The following UBASH3B variants were observed in gnomAD, a reference collection of about 807,000 sequenced individuals.
UBASH3B encodes the protein ubiquitin associated and SH3 domain containing B.
UBASH3B carries 37 observed loss-of-function variants against 83.4 expected under a neutral mutation model. The observed-to-expected ratio is 0.44, with a 90% confidence interval of 0.34 to 0.58. The LOEUF (loss-of-function observed/expected upper bound fraction) is 0.58, where lower values mean the gene tolerates loss of function less well. Among genes scored for constraint, UBASH3B ranks in the 20% least tolerant of loss-of-function variants. The pLI is 0.01. For missense variants in UBASH3B, 657 were observed against 827.2 expected, an observed-to-expected ratio of 0.79 and a Z score of 2.52; for synonymous variants, 304 against 318.3, an observed-to-expected ratio of 0.96 and a Z score of 0.48.
chr11:122,677,530 T>G (rs552310018), intron 1 of UBASH3B, among the ~76,000 whole-genome samples: 1 of 152,300 alleles, frequency 6.6e-6, no homozygotes, highest in Non-Finnish European at 1.5e-5. Context: ...CAAAGTCAGC[T>G]TATGTCAGTT....
intron 1 of UBASH3B, among the ~76,000 whole-genome samples, chr11:122,671,478 C>T (rs879209966): frequency 6.6e-6 from 1 of 152,234 alleles, no homozygotes; most frequent in Admixed American, 6.5e-5. Flanking sequence ...AGCTTTTCTA[C>T]ATCAGGTTGG....
chr11:122,687,773 T>C (rs1863827110), intron 1 of UBASH3B, among the ~76,000 whole-genome samples: 1 of 152,118 alleles, frequency 6.6e-6, no homozygotes, highest in African/African-American at 2.4e-5. Context: ...AGTCTTGCTA[T>C]TTCTCCATGA....
chr11:122,762,791 T>C (rs1861392327), intron 1 of UBASH3B, among the ~76,000 whole-genome samples: 1 of 152,236 alleles, frequency 6.6e-6, no homozygotes, highest in Admixed American at 6.5e-5. Context: ...GTAGATTATT[T>C]TAGCAGAGAA....
intron 1 of UBASH3B, among the ~76,000 whole-genome samples, chr11:122,765,792 G>T (rs1303907007): frequency 3.3e-5 from 5 of 152,112 alleles, no homozygotes; most frequent in African/African-American, 7.2e-5. Flanking sequence ...TTAAGTCCTG[G>T]ACCTGGTGCC....
chr11:122,729,653 C>T (rs2135951426), intron 1 of UBASH3B, among the ~76,000 whole-genome samples: 1 of 151,796 alleles, frequency 6.6e-6, no homozygotes, highest in South Asian at 2.1e-4. Context: ...GATATAATAC[C>T]TGGGATTTGC....
chr11:122,748,650 C>T (rs1861156625), intron 1 of UBASH3B, among the ~76,000 whole-genome samples: 5 of 152,206 alleles, frequency 3.3e-5, no homozygotes, highest in Middle Eastern at 6.8e-3. Context: ...TCCTCCCGTC[C>T]ACAGAAGATT....
chr11:122,774,640 C>T (rs768623530), intron 1 of UBASH3B, among the ~76,000 whole-genome samples: 8 of 152,152 alleles, frequency 5.3e-5, no homozygotes, highest in South Asian at 2.1e-4. Flanking sequence ...GGAAAGGATG[C>T]TTGCAGAGTG....
chr11:122,683,778 A>T lies in UBASH3B; in HGVS notation c.161+27568A>T, dbSNP rs4936717. Among the ~76,000 whole-genome samples the T allele has an allele frequency of 0.011, 236 of 21,806 alleles. 1 individual carries two copies. The East Asian group carries it at 0.28, about 26-fold the overall frequency. 14.3% of individuals were successfully genotyped at this position (21,806 alleles called of 152,430 possible). On this transcript the variant is annotated intron_variant, in intron 1 of 13. Transcript: ENST00000284273. The stretch of plus-strand genomic sequence containing the variant: ...GTGTGTGTGTGTGTGTGTGTGTGTG[A>T]GCCAGGTTTCAAATAAGATCTATAC...
At chr11:122,775,351 T>C (rs1860714473) in intron 1 of UBASH3B, among the ~76,000 whole-genome samples, 1 of 152,238 alleles carries the variant, frequency 6.6e-6, no homozygotes, top group Admixed American at 6.5e-5. Context: ...TAGCTACAGT[T>C]AGTCATGCTT....
At chr11:122,662,281 T>G (rs1265995001) in intron 1 of UBASH3B, among the ~76,000 whole-genome samples, 1 of 152,160 alleles carries the variant, frequency 6.6e-6, no homozygotes, top group Non-Finnish European at 1.5e-5. Context: ...ATTTAAAGAT[T>G]GATACATTTT....
At chr11:122,701,603 C>T (rs983931225) in intron 1 of UBASH3B, among the ~76,000 whole-genome samples, 1 of 152,122 alleles carries the variant, frequency 6.6e-6, no homozygotes, top group African/African-American at 2.4e-5. Flanking sequence ...AGGGTCCTCG[C>T]TTGCATTGGC....
At chr11:122,723,250 T>G (rs1286604914) in intron 1 of UBASH3B, among the ~76,000 whole-genome samples, 1 of 152,214 alleles carries the variant, frequency 6.6e-6, no homozygotes, top group Non-Finnish European at 1.5e-5. Flanking sequence ...CAAAGCCCTT[T>G]TGTATATAAT....
At chr11:122,755,469 C>G (rs1861268838) in intron 1 of UBASH3B, among the ~76,000 whole-genome samples, 1 of 152,050 alleles carries the variant, frequency 6.6e-6, no homozygotes, top group South Asian at 2.1e-4. Context: ...AGGGTGTGGC[C>G]ACATGGAGTG....
At chr11:122,762,083 C>T (rs1407404427) in intron 1 of UBASH3B, among the ~76,000 whole-genome samples, 1 of 152,054 alleles carries the variant, frequency 6.6e-6, no homozygotes, top group East Asian at 1.9e-4. Flanking sequence ...TGAGCCACCG[C>T]GCCTGGCCGG....
intron 5 of UBASH3B, among the ~76,000 whole-genome samples, chr11:122,786,173 C>A (rs1456427199): frequency 6.6e-6 from 1 of 152,108 alleles, no homozygotes; most frequent in Non-Finnish European, 1.5e-5. Context: ...CCTCAGCCTC[C>A]CAAGTAGCTG....
At chr11:122,714,295 G>A (rs559277711) in intron 1 of UBASH3B, among the ~76,000 whole-genome samples, 19 of 152,310 alleles carry the variant, frequency 1.2e-4, no homozygotes, top group South Asian at 8.3e-4. Flanking sequence ...TCAAGACTGC[G>A]CTTGAACTCC....
chr11:122,660,744 G>C (rs1565520033), intron 1 of UBASH3B, among the ~76,000 whole-genome samples: 1 of 152,118 alleles, frequency 6.6e-6, no homozygotes, highest in African/African-American at 2.4e-5. Flanking sequence ...ACCCTGATGA[G>C]TTTTTTTATT....
chr11:122,779,994 A>G (rs1267074790), intron 4 of UBASH3B, among the ~76,000 whole-genome samples: 1 of 152,192 alleles, frequency 6.6e-6, no homozygotes, highest in African/African-American at 2.4e-5. Context: ...ATTTCTTTGT[A>G]GCACCACCAT....
intron 1 of UBASH3B, among the ~76,000 whole-genome samples, chr11:122,688,987 G>GAC (rs1863850049): frequency 6.6e-6 from 1 of 151,032 alleles, no homozygotes; most frequent in African/African-American, 2.4e-5. Flanking sequence ...GCGGGGGGGG[G>GAC]GGGGGTTCCA....
Sources: allele counts gnomAD v4.1 joint callset (sites outside exome capture counted in the v4.1 genomes callset), GRCh38; gene constraint gnomAD v4.1.1; transcripts MANE v1.5; gene names NCBI Gene and HGNC (gene_info 2026-07-23, HGNC 2026-07-21).